Variants in TCERG1L observed in about 807,000 individuals in gnomAD.
The protein encoded by TCERG1L is transcription elongation regulator 1-like protein.
Under a neutral mutation model 56.3 loss-of-function variants are expected in TCERG1L, and 37 were observed. The ratio of observed to expected loss-of-function variants is 0.66; its 90% CI spans 0.51 to 0.87. The LOEUF is 0.87. TCERG1L is among the 40% of genes least tolerant of loss of function. TCERG1L has a pLI of 0.00. For synonymous variants in TCERG1L, 324 were observed against 326.3 expected, an observed-to-expected ratio of 0.99 and a Z score of 0.08; for missense variants, 799 against 774.2, an observed-to-expected ratio of 1.03 and a Z score of -0.38.
At chr10:131,143,682 G>C (rs934318793) in intron 7 of TCERG1L, among the ~76,000 whole-genome samples, 2 of 152,160 alleles carry the variant, frequency 1.3e-5, no homozygotes, top group Non-Finnish European at 2.9e-5. Flanking sequence ...CGCGGGCACG[G>C]GTGGGAACAC....
At chr10:131,117,931 C>T (rs1313329033) in intron 8 of TCERG1L, among the ~76,000 whole-genome samples, 1 of 152,208 alleles carries the variant, frequency 6.6e-6, no homozygotes, top group African/African-American at 2.4e-5. Flanking sequence ...TTGTGTCTGG[C>T]TTCCCCTCCT....
chr10:131,135,181 C>T (rs1845661439), intron 7 of TCERG1L, among the ~76,000 whole-genome samples: 1 of 152,170 alleles, frequency 6.6e-6, no homozygotes, highest in African/African-American at 2.4e-5. Context: ...AGAGAAGCAT[C>T]ACCTGCTTCT....
intron 4 of TCERG1L, among the ~76,000 whole-genome samples, chr10:131,255,765 CG>C (rs1846159938): frequency 6.6e-6 from 1 of 152,206 alleles, no homozygotes; most frequent in African/African-American, 2.4e-5. Flanking sequence ...CCAGGAGCAT[CG>C]TTTTCTAGAC....
intron 7 of TCERG1L, among the ~76,000 whole-genome samples, chr10:131,138,083 A>T (rs1257618284): frequency 6.6e-6 from 1 of 152,230 alleles, no homozygotes; most frequent in Non-Finnish European, 1.5e-5. Flanking sequence ...AGCCTGGCCA[A>T]CATGGTGAAA....
chr10:131,121,187 G>A (rs753618333), intron 8 of TCERG1L, among the ~76,000 whole-genome samples: 14 of 152,176 alleles, frequency 9.2e-5, no homozygotes, highest in Non-Finnish European at 1.9e-4. Context: ...TTGAGATGGC[G>A]TCACTCTGCC....
In TCERG1L at chr10:131,116,922, G is replaced by T; in HGVS notation, c.1272C>A (p.Cys424Ter). ...VKTKRNRTEGCGSPKPEEAKR... is the reference protein window; with the variant it reads ...VKTKRNRTEG ...TTGCCTCCTCTGGCTTGGGACTCCC[G>T]CAGCCTTCGGTCCTTCAGGAACACA... Residue 424 changes from cysteine (C) to a stop codon, truncating the protein, a stop_gained, in exon 9 of 12, where the codon TGC becomes TGA. Transcript: ENST00000368642. LOFTEE classifies it high-confidence loss of function. The T allele has an allele frequency of 6.2e-7, 1 of 1,607,764 alleles. No homozygotes were observed. The highest frequency in any genetic ancestry group is 8.5e-7 in the Non-Finnish European group (1 of 1,177,596).
intron 4 of TCERG1L, among the ~76,000 whole-genome samples, chr10:131,246,946 C>T (rs190408750): frequency 6.6e-6 from 1 of 152,254 alleles, no homozygotes; most frequent in Admixed American, 6.5e-5. Flanking sequence ...CAACAGATTC[C>T]CAAGCTGGTG....
At chr10:131,190,270 G>A (rs1481658176) in intron 4 of TCERG1L, among the ~76,000 whole-genome samples, 1 of 103,566 alleles carries the variant, frequency 9.7e-6, no homozygotes, top group Non-Finnish European at 2.2e-5. Flanking sequence ...CAGTGAGATA[G>A]AATCAGTAAT....
chr10:131,200,405 A>G (rs1019682243), intron 4 of TCERG1L, among the ~76,000 whole-genome samples: 7 of 152,254 alleles, frequency 4.6e-5, no homozygotes, highest in Admixed American at 6.5e-5. Context: ...TGTCTGGAAC[A>G]TGGAGTCAAA....
In TCERG1L at chr10:131,260,048, T is replaced by C. The variant is rs1846218350; in HGVS notation, c.856+211A>G. On this transcript the variant is annotated intron_variant, in intron 4 of 11. Transcript: ENST00000368642. The surrounding 1 kb of genome is among the most constrained non-coding windows in gnomAD (Gnocchi z 5.8). Reference sequence around the variant, plus strand: ...GGCTTTACAGCAGGAAGTGCCAGGGTGGACCTGACAAGGTGGCTCAGTGGA... The same window carrying C: ...GGCTTTACAGCAGGAAGTGCCAGGGCGGACCTGACAAGGTGGCTCAGTGGA... Among the ~76,000 whole-genome samples, 3 of 152,216 alleles carry C rather than the reference T, an allele frequency of 2.0e-5. No individual in the cohort carries two copies. Among genetic ancestry groups the C allele is most frequent in the Admixed American group, 2.0e-4 (3 of 15,286 alleles).
At chr10:131,216,552 CAGA>C (rs1398638015) in intron 4 of TCERG1L, among the ~76,000 whole-genome samples, 1 of 152,166 alleles carries the variant, frequency 6.6e-6, no homozygotes, top group Non-Finnish European at 1.5e-5. Flanking sequence ...TGAGTCTCCT[CAGA>C]GCCAGGAACA....
chr10:131,097,390 C>T (rs567699631), intron 11 of TCERG1L, among the ~76,000 whole-genome samples: 11 of 152,200 alleles, frequency 7.2e-5, no homozygotes, highest in African/African-American at 2.6e-4. Context: ...CTCTGTCGCC[C>T]AGGTTGGAGT....
chr10:131,248,986 G>A, intron 4 of TCERG1L, among the ~76,000 whole-genome samples: 1 of 152,314 alleles, frequency 6.6e-6, no homozygotes, highest in African/African-American at 2.4e-5. Context: ...AGGATGGGAT[G>A]GAGCTGACCT....
chr10:131,241,855 C>T (rs1018725406), intron 4 of TCERG1L, among the ~76,000 whole-genome samples: 17 of 151,338 alleles, frequency 1.1e-4, no homozygotes, highest in African/African-American at 3.9e-4. Flanking sequence ...ACTGAACATC[C>T]GAGATAAAAC....
rs149306096 is a variant in TCERG1L, at chr10:131,115,031, G to A, written c.1395+1768C>T. 3.5e-3 allele frequency among the ~76,000 whole-genome samples: 526 copies of A among 152,304 alleles called. 2 individuals are homozygous for A. Among genetic ancestry groups the A allele is most frequent in the African/African-American group, 0.012 (503 of 41,572 alleles). The stretch of plus-strand genomic sequence containing the variant: ...CACGTGCACCTGTGGGTCACAAAAC[G>A]GCCTCTCCTGCCTCTCGCCCAATGA... On this transcript the variant is annotated intron_variant, in intron 9 of 11. Coordinates refer to ENST00000368642, the MANE Select transcript of TCERG1L (RefSeq NM_174937.4).
intron 7 of TCERG1L, among the ~76,000 whole-genome samples, chr10:131,138,795 C>T (rs146919673): frequency 6.6e-6 from 1 of 152,212 alleles, no homozygotes; most frequent in East Asian, 1.9e-4. Context: ...ATACTGAACG[C>T]CACTGAATTG....
chr10:131,245,443 C>T (rs562228655), intron 4 of TCERG1L, among the ~76,000 whole-genome samples: 23 of 152,110 alleles, frequency 1.5e-4, no homozygotes, highest in African/African-American at 5.1e-4. Context: ...AAGTTGAAGT[C>T]GACATTAGCT....
intron 4 of TCERG1L, among the ~76,000 whole-genome samples, chr10:131,223,436 C>T (rs908439749): frequency 7.2e-5 from 11 of 152,186 alleles, no homozygotes; most frequent in African/African-American, 2.2e-4. Flanking sequence ...AGCTAGATGC[C>T]GACCCATCCT....
chr10:131,184,596 C>G (rs1483446626), intron 4 of TCERG1L, among the ~76,000 whole-genome samples: 1 of 152,218 alleles, frequency 6.6e-6, no homozygotes, highest in Non-Finnish European at 1.5e-5. Flanking sequence ...CACATCCAAC[C>G]TCAGGTAGAA....
Sources: allele counts gnomAD v4.1 joint callset (sites outside exome capture counted in the v4.1 genomes callset), GRCh38; gene constraint gnomAD v4.1.1; non-coding constraint Gnocchi (gnomAD v3.1); transcripts MANE v1.5; gene names NCBI Gene and HGNC (gene_info 2026-07-23, HGNC 2026-07-21).